NUP93: variants seen among roughly 807,000 people sequenced by gnomAD.
The protein encoded by NUP93 is nuclear pore complex protein Nup93.
Under a neutral mutation model 107.8 loss-of-function variants are expected in NUP93, and 55 were observed. The ratio of observed to expected loss-of-function variants is 0.51; its 90% confidence interval spans 0.41 to 0.64. The LOEUF (loss-of-function observed/expected upper bound fraction) is 0.64, where lower values mean the gene tolerates loss of function less well. NUP93 is among the 30% of genes least tolerant of loss of function. NUP93 has a pLI of 0.00. For synonymous variants in NUP93, 390 were observed against 397.5 expected (o/e 0.98, Z 0.22); for missense variants, 937 against 1,044.7 (o/e 0.90, Z 1.42).
intron 3 of NUP93, among the ~76,000 whole-genome samples, chr16:56,767,174 T>A (rs2144496028): frequency 6.6e-6 from 1 of 152,272 alleles, no homozygotes; most frequent in Non-Finnish European, 1.5e-5. Context: ...CCACTTTAAT[T>A]ATCCTGGAGG....
At chr16:56,809,123 T>C (rs1195154498) in intron 5 of NUP93, among the ~76,000 whole-genome samples, 1 of 152,186 alleles carries the variant, frequency 6.6e-6, no homozygotes, top group Non-Finnish European at 1.5e-5. Flanking sequence ...ATTTTGAGGC[T>C]ACATCCAGGA....
intron 8 of NUP93, among the ~76,000 whole-genome samples, chr16:56,827,071 T>TAAAAAAA (rs1567407800): frequency 2.5e-4 from 17 of 69,302 alleles, no homozygotes; most frequent in African/African-American, 8.7e-4. Flanking sequence ...AAAAAAAAAT[T>TAAAAAAA]TTGTTGAGTC....
chr16:56,770,163 AAGC>A lies in NUP93; in HGVS notation c.297+11511_297+11513del, dbSNP rs779316912. Among the ~76,000 whole-genome samples, 20 of 152,366 alleles carry A rather than the reference AAGC, an allele frequency of 1.3e-4. No individual in the cohort carries two copies. In the East Asian group the frequency reaches 3.9e-3, roughly 29 times the overall value. On this transcript the variant is annotated intron_variant, in intron 3 of 21. Coordinates refer to ENST00000308159, the MANE Select transcript of NUP93 (RefSeq NM_014669.5). ...ATAACAGAATCAGGAAGAGAAGACT[AAGC>A]AGGGAAGGGAGAAGGGGTGTCAGTG... is the stretch of plus-strand genomic sequence containing the variant.
At chr16:56,758,407 GTGTC>G (rs1962066164) in intron 2 of NUP93, 127 bp from the exon 3 acceptor site, 2 of 687,892 alleles carry the variant, frequency 2.9e-6, no homozygotes, top group Non-Finnish European at 5.2e-6. Flanking sequence ...CTATGTAAAA[GTGTC>G]TGGACAGTAT....
intron 7 of NUP93, among the ~76,000 whole-genome samples, chr16:56,822,494 CAA>C (rs761139077): frequency 1.5e-5 from 2 of 136,286 alleles, no homozygotes; most frequent in South Asian, 2.3e-4. Flanking sequence ...GCCTGGGTGA[CAA>C]AGAGTGAGGC....
intron 15 of NUP93, 54 bp from the exon 16 acceptor site, chr16:56,834,680 G>T: frequency 6.7e-7 from 1 of 1,500,800 alleles, no homozygotes; most frequent in South Asian, 1.1e-5. Flanking sequence ...AAGACTTATG[G>T]AATATGTTTA....
chr16:56,776,801 G>A (rs1466327230), intron 3 of NUP93, among the ~76,000 whole-genome samples: 1 of 152,232 alleles, frequency 6.6e-6, no homozygotes, highest in Non-Finnish European at 1.5e-5. Context: ...AGAAAGCCAG[G>A]TCTTGGCCCA....
intron 1 of NUP93, among the ~76,000 whole-genome samples, chr16:56,740,486 C>T (rs1202036665): frequency 9.4e-5 from 14 of 149,038 alleles, no homozygotes; most frequent in Middle Eastern, 3.4e-3. Flanking sequence ...GGAAGAGGCG[C>T]TCCTCACTTC....
At chr16:56,796,517 T>C (rs1962900979) in intron 3 of NUP93, among the ~76,000 whole-genome samples, 2 of 152,228 alleles carry the variant, frequency 1.3e-5, no homozygotes, top group African/African-American at 4.8e-5. Context: ...GATGCTTGAC[T>C]ATATACTAAA....
At chr16:56,837,106 G>A (rs1470136289) in intron 17 of NUP93, among the ~76,000 whole-genome samples, 3 of 152,174 alleles carry the variant, frequency 2.0e-5, no homozygotes, top group East Asian at 3.9e-4. Flanking sequence ...GTGCAGGAAG[G>A]AGTGAAAGAA....
chr16:56,790,558 C>T (rs1261628850), intron 3 of NUP93, among the ~76,000 whole-genome samples: 2 of 152,172 alleles, frequency 1.3e-5, no homozygotes, highest in Non-Finnish European at 2.9e-5. Context: ...TTATTTCATC[C>T]TTCCTCATTT....
chr16:56,806,666 C>T (rs1963148745), intron 5 of NUP93, among the ~76,000 whole-genome samples: 1 of 152,128 alleles, frequency 6.6e-6, no homozygotes, highest in Non-Finnish European at 1.5e-5. Flanking sequence ...CTATATTGTG[C>T]TGCTCACAAC....
At chr16:56,789,495 G>C (rs1743698916) in intron 3 of NUP93, among the ~76,000 whole-genome samples, 1 of 152,202 alleles carries the variant, frequency 6.6e-6, no homozygotes, top group South Asian at 2.1e-4. Context: ...TGCCCACACA[G>C]TGCCATGTTA....
intron 8 of NUP93, among the ~76,000 whole-genome samples, chr16:56,824,469 A>G (rs1382314902): frequency 6.6e-6 from 1 of 151,762 alleles, no homozygotes; most frequent in Non-Finnish European, 1.5e-5. Flanking sequence ...CCCTGTGGAC[A>G]CTCCTTCCAA....
intron 3 of NUP93, among the ~76,000 whole-genome samples, chr16:56,793,497 G>A (rs574225139): frequency 2.6e-5 from 4 of 152,208 alleles, no homozygotes; most frequent in East Asian, 3.9e-4. Flanking sequence ...CATCCTTCAC[G>A]TTCCAGCTCC....
chr16:56,797,965 T>C (rs1169870923), intron 3 of NUP93, among the ~76,000 whole-genome samples: 1 of 152,204 alleles, frequency 6.6e-6, no homozygotes, highest in Non-Finnish European at 1.5e-5. Flanking sequence ...AGAGTGCACA[T>C]GGCAAAACGC....
intron 2 of NUP93, among the ~76,000 whole-genome samples, chr16:56,758,154 C>T (rs1339087751): frequency 6.6e-6 from 1 of 152,066 alleles, no homozygotes; most frequent in Admixed American, 6.5e-5. Context: ...TGACTTTGGG[C>T]AAGCTGGCTA....
At chr16:56,752,766 C>T (rs1023130451) in intron 2 of NUP93, among the ~76,000 whole-genome samples, 1 of 152,140 alleles carries the variant, frequency 6.6e-6, no homozygotes, top group Admixed American at 6.5e-5. Flanking sequence ...TACAGAGTCA[C>T]AGTAATTAAG....
intron 5 of NUP93, 148 bp downstream of exon 5, chr16:56,805,780 C>A: frequency 1.2e-6 from 1 of 809,374 alleles, no homozygotes; most frequent in Non-Finnish European, 1.9e-6. Context: ...GCCGCATTTG[C>A]CTGGACTTCC....
Sources: allele counts gnomAD v4.1 joint callset (sites outside exome capture counted in the v4.1 genomes callset), GRCh38; gene constraint gnomAD v4.1.1; transcripts MANE v1.5; gene names NCBI Gene and HGNC (gene_info 2026-07-23, HGNC 2026-07-21).